The following HELQ variants were observed in gnomAD, a reference collection of about 807,000 sequenced individuals.
HELQ encodes helicase POLQ-like.
A neutral mutation model predicts 111.6 loss-of-function variants in HELQ; 77 were observed. The ratio of observed to expected loss-of-function variants is 0.69; its 90% confidence interval spans 0.57 to 0.83. The LOEUF (loss-of-function observed/expected upper bound fraction) is 0.83. HELQ is among the 40% of genes least tolerant of loss of function. The pLI, the probability that HELQ is intolerant of heterozygous loss-of-function variation, is 0.00. For missense variants in HELQ, 1,200 were observed against 1,288.5 expected, an observed-to-expected ratio of 0.93 and a Z score of 1.05; for synonymous variants, 438 against 454.7, an observed-to-expected ratio of 0.96 and a Z score of 0.47.
rs897482078 is a variant in HELQ, at chr4:83,436,912, C to A, written c.1994G>T (p.Cys665Phe). 72 of 1,614,062 alleles carry A rather than the reference C, an allele frequency of 4.5e-5. No homozygotes were observed. Among genetic ancestry groups the A allele is most frequent in the Non-Finnish European group, 6.1e-5 (72 of 1,180,022 alleles). Residue 665 changes from cysteine to phenylalanine, a missense_variant, in exon 9 of 18, where the codon TGT (cysteine) becomes TTT (phenylalanine). Transcript: ENST00000295488. ...LEEAYSTGVLCLFTCTSTLAA... is the reference protein window; with the variant it reads ...LEEAYSTGVLFLFTCTSTLAA... ...TAGGGTAGATGTGCAGGTAAAAAGA[C>A]AGAGCACTCCTGTGGAGTAGGCCTC...
chr4:83,410,674 C>T (rs1379492765), intron 17 of HELQ, among the ~76,000 whole-genome samples: 3 of 152,108 alleles, frequency 2.0e-5, no homozygotes, highest in South Asian at 2.1e-4. Context: ...CATTGAGAGA[C>T]GGGATCTAAT....
chr4:83,437,209 ATTGAG>A (rs1382004129), intron 8 of HELQ, 112 bp from the exon 9 acceptor site: 16 of 1,009,198 alleles, frequency 1.6e-5, no homozygotes, highest in South Asian at 6.5e-5. Flanking sequence ...TACTATTTCC[ATTGAG>A]TTAAGTACAT....
At chr4:83,433,664 T>TGTA (rs1720282446) in intron 9 of HELQ, among the ~76,000 whole-genome samples, 1 of 72,520 alleles carries the variant, frequency 1.4e-5, no homozygotes, top group Non-Finnish European at 2.3e-5. Flanking sequence ...AGACTCCGTC[T>TGTA]CAAAAAAAAA....
At chr4:83,455,237 T>A in intron 1 of HELQ, 160 bp downstream of exon 1, 1 of 1,393,364 alleles carries the variant, frequency 7.2e-7, no homozygotes, top group Non-Finnish European at 9.6e-7. Flanking sequence ...TTCATATTTA[T>A]ATAGAAATGT....
intron 8 of HELQ, 94 bp from the exon 9 acceptor site, chr4:83,437,191 C>T: frequency 1.8e-6 from 2 of 1,141,742 alleles, no homozygotes; most frequent in Admixed American, 4.6e-5. Context: ...TGTAAACATT[C>T]TTTAATGTAC....
At position 83,455,730 on chromosome 4, in the gene HELQ, A is replaced by G. The variant is rs763362948; in HGVS notation, c.-37T>C. On this transcript the variant is annotated 5_prime_UTR_variant, in exon 1 of 18. Transcript: ENST00000295488. Reference sequence around the variant, plus strand: ...AGGGCCCTATTCAGACGTCGTTCTCAGTGACCCAGACGCTAAGCCCATATG... The same window carrying G: ...AGGGCCCTATTCAGACGTCGTTCTCGGTGACCCAGACGCTAAGCCCATATG... 10 of 1,577,094 alleles carry G rather than the reference A, an allele frequency of 6.3e-6. No homozygotes were observed. The highest frequency in any genetic ancestry group is 8.6e-6 in the Non-Finnish European group (10 of 1,162,536).
chr4:83,417,075 C>A (rs1739401569), intron 16 of HELQ, among the ~76,000 whole-genome samples: 1 of 152,170 alleles, frequency 6.6e-6, no homozygotes, highest in South Asian at 2.1e-4. Flanking sequence ...TAGTTCTATG[C>A]AGCTTGAGTC....
At chr4:83,442,113 C>T (rs1313394854) in intron 6 of HELQ, among the ~76,000 whole-genome samples, 1 of 152,056 alleles carries the variant, frequency 6.6e-6, no homozygotes. Flanking sequence ...AATACCACCA[C>T]ACTATTTTTC....
At chr4:83,420,304 A>G (rs1739597429) in intron 15 of HELQ, among the ~76,000 whole-genome samples, 2 of 152,238 alleles carry the variant, frequency 1.3e-5, no homozygotes, top group South Asian at 4.1e-4. Context: ...TAGCTGCCTG[A>G]CACTGGAAGC....
intron 7 of HELQ, 132 bp downstream of exon 7, chr4:83,441,173 G>T (rs1022991223): frequency 1.6e-6 from 1 of 630,352 alleles, no homozygotes; most frequent in African/African-American, 1.9e-5. Flanking sequence ...AGTCTGCATG[G>T]TGTCCAACAA....
Position 83,407,456 on chromosome 4 carries a change from T to C in HELQ, c.3303A>G (p.Ala1101=), listed in dbSNP as rs1330315725. The C allele has an allele frequency of 6.3e-7, 1 of 1,592,270 alleles. No individual in the cohort carries two copies. The highest frequency in any genetic ancestry group is 1.1e-5 in the South Asian group (1 of 87,728). ...TGAAAATTCTCATCAGATAGCTTCA[T>C]GCTTTGTCAGTGGAAGAAGCCACAG... The part of the protein sequence containing the change: ...PGAVASSTDK[A] The change falls in exon 18 of 18, where the codon GCA becomes GCG. Residue 1101 remains alanine, a synonymous_variant. Transcript: ENST00000295488.
At position 83,436,869 on chromosome 4, in the gene HELQ, T is replaced by C; in HGVS notation, c.2037A>G (p.Leu679=). The C allele has an allele frequency of 6.2e-7, 1 of 1,613,400 alleles. No homozygotes were observed. Among genetic ancestry groups the C allele is most frequent in the Non-Finnish European group, 8.5e-7 (1 of 1,179,658 alleles). ...TACTTATCTCTTACCTTCGAGCTGGTAGGTTGACACCTGCCGCTAGGGTAG... is the reference window on the plus strand; with the variant it reads ...TACTTATCTCTTACCTTCGAGCTGGCAGGTTGACACCTGCCGCTAGGGTAG... ...CTSTLAAGVN[L]PARRVILRAP... is the part of the protein sequence containing the mutation. The change falls in exon 9 of 18, where the codon CTA becomes CTG. Residue 679 remains leucine (L), a synonymous_variant. Transcript: ENST00000295488.
rs146758357 is a variant in HELQ, at chr4:83,441,400, C to T, written c.1567G>A (p.Glu523Lys). The T allele has an allele frequency of 9.5e-5, 138 of 1,452,396 alleles. No homozygotes were observed. In the East Asian group the frequency reaches 3.0e-3, roughly 32 times the overall value. 90.0% of individuals were successfully genotyped at this position (1,452,396 alleles called of 1,614,324 possible). A position where few individuals can be genotyped will look rare whatever the true frequency, so the allele number is the denominator to read the frequency against. The change falls in exon 7 of 18, where the codon GAG becomes AAG. Residue 523 changes from glutamate (E) to lysine (K), a missense_variant. Coordinates refer to ENST00000295488, the MANE Select transcript of HELQ (RefSeq NM_133636.5). ...TTTATTTTCAGATATTCTTTTAACT[C>T]AACCTTGAATTAAAAGGACATTTGC... ...EYYTSQFRPV[E>K]LKEYLKINDT... is the part of the protein sequence containing the mutation.
At chr4:83,445,945 T>C (rs1721021631) in intron 5 of HELQ, 69 bp downstream of exon 5, 1 of 1,004,870 alleles carries the variant, frequency 1.0e-6, no homozygotes, top group African/African-American at 1.6e-5. Flanking sequence ...TAGCTAGTGA[T>C]AGAATTAAGT....
intron 13 of HELQ, among the ~76,000 whole-genome samples, 176 bp downstream of exon 13, chr4:83,427,387 G>T (rs1301589477): frequency 1.3e-5 from 2 of 152,248 alleles, no homozygotes; most frequent in South Asian, 4.1e-4. Context: ...GGGTACAGTG[G>T]CTTACACTTG....
chr4:83,440,073 C>G, intron 7 of HELQ, 65 bp from the exon 8 acceptor site: 1 of 1,273,620 alleles, frequency 7.9e-7, no homozygotes, highest in South Asian at 1.4e-5. Context: ...AATTTTTTAC[C>G]AGTGTGATTT....
At chr4:83,411,583 GAC>G (rs1739099638) in intron 17 of HELQ, among the ~76,000 whole-genome samples, 1 of 151,222 alleles carries the variant, frequency 6.6e-6, no homozygotes, top group African/African-American at 2.4e-5. Flanking sequence ...CAGCCTGGGT[GAC>G]AGAGTCAGAC....
chr4:83,409,779 G>T (rs1738990609), intron 17 of HELQ, among the ~76,000 whole-genome samples: 1 of 152,062 alleles, frequency 6.6e-6, no homozygotes, highest in African/African-American at 2.4e-5. Flanking sequence ...TGGAAGAAAT[G>T]ATACAAAAGT....
In HELQ at chr4:83,407,475, G is replaced by A. The variant is rs779749808; in HGVS notation, c.3284C>T (p.Ala1095Val). The change falls in exon 18 of 18, where the codon GCT becomes GTT. Residue 1095 changes from alanine to valine, a missense_variant. By Grantham distance (64) the Ala-to-Val change is moderately conservative. Transcript: ENST00000295488. The part of the protein sequence containing the change: ...RLPSDFPGAV[A>V]SSTDKA ...GCTTCATGCTTTGTCAGTGGAAGAA[G>A]CCACAGCACCAGGGAAATCAGAAGG... 3 of 1,605,242 alleles carry A rather than the reference G, an allele frequency of 1.9e-6. No homozygotes were observed. Among genetic ancestry groups the A allele is most frequent in the Non-Finnish European group, 2.5e-6 (3 of 1,176,736 alleles).
Sources: allele counts gnomAD v4.1 joint callset (sites outside exome capture counted in the v4.1 genomes callset), GRCh38; gene constraint gnomAD v4.1.1; transcripts MANE v1.5; gene names NCBI Gene and HGNC (gene_info 2026-07-23, HGNC 2026-07-21).